ABI1: variants seen among roughly 807,000 people sequenced by gnomAD.
ABI1 encodes the protein abl interactor 1.
ABI1 carries 14 observed loss-of-function variants against 54.6 expected under a neutral mutation model. The ratio of observed to expected loss-of-function variants is 0.26; its 90% CI spans 0.17 to 0.40. The LOEUF is 0.40. Among genes scored for constraint, ABI1 ranks in the 10% least tolerant of loss-of-function variants. The pLI is 1.00. For synonymous variants in ABI1, 194 were observed against 209.3 expected (o/e 0.93, Z 0.63); for missense variants, 443 against 598.3 (o/e 0.74, Z 2.71).
intron 2 of ABI1, among the ~76,000 whole-genome samples, chr10:26,796,087 T>G (rs1844120828): frequency 6.6e-6 from 1 of 151,694 alleles, no homozygotes; most frequent in Non-Finnish European, 1.5e-5. Flanking sequence ...AGACCCAGTC[T>G]CAAAAAATAA....
intron 6 of ABI1, 88 bp downstream of exon 6, chr10:26,768,764 C>T: frequency 9.1e-7 from 1 of 1,100,744 alleles, no homozygotes; most frequent in Non-Finnish European, 1.3e-6. Flanking sequence ...AGTGGCACCT[C>T]ACCTTTACTC....
chr10:26,802,767 G>A (rs980491423), intron 2 of ABI1, among the ~76,000 whole-genome samples: 4 of 152,066 alleles, frequency 2.6e-5, no homozygotes, highest in Middle Eastern at 3.2e-3. Context: ...ACCTGTGTCC[G>A]GACACTGCCA....
chr10:26,845,877 T>A (rs1218918874), intron 1 of ABI1, among the ~76,000 whole-genome samples: 2 of 151,818 alleles, frequency 1.3e-5, no homozygotes, highest in Non-Finnish European at 2.9e-5. Flanking sequence ...GCACAGTGGC[T>A]CATGCCTGTA....
chr10:26,818,805 G>T (rs887901997), intron 2 of ABI1, among the ~76,000 whole-genome samples: 20 of 151,906 alleles, frequency 1.3e-4, no homozygotes, highest in Non-Finnish European at 2.9e-4. Flanking sequence ...ACCTGGCCAA[G>T]ATGGTGAAAC....
intron 2 of ABI1, among the ~76,000 whole-genome samples, chr10:26,820,349 A>C (rs115449191): frequency 4.4e-4 from 67 of 152,266 alleles, no homozygotes; most frequent in African/African-American, 1.5e-3. Flanking sequence ...CTGCGGGGGA[A>C]AGCTACTTAA....
At chr10:26,809,007 C>T (rs1038031523) in intron 2 of ABI1, among the ~76,000 whole-genome samples, 24 of 151,780 alleles carry the variant, frequency 1.6e-4, no homozygotes, top group Admixed American at 8.5e-4. Context: ...CGGTGGCTCA[C>T]GCCTGTAATC....
Position 26,758,376 on chromosome 10 carries a change from A to G in ABI1, c.997+686T>C, listed in dbSNP as rs192500399. On this transcript the variant is annotated intron_variant, in intron 8 of 10. Transcript: ENST00000376140. The stretch of plus-strand genomic sequence containing the variant: ...TTTCCTTTTTGCATTGAACATCTTA[A>G]TATGGAAAGTGATATTAATGACTAC... Among the ~76,000 whole-genome samples, 506 of 152,286 alleles carry G rather than the reference A, an allele frequency of 3.3e-3. 1 individual carries two copies. Among genetic ancestry groups the G allele is most frequent in the Non-Finnish European group, 5.2e-3 (353 of 68,022 alleles).
intron 8 of ABI1, among the ~76,000 whole-genome samples, chr10:26,757,050 A>G (rs1037100353): frequency 6.6e-6 from 1 of 152,152 alleles, no homozygotes; most frequent in African/African-American, 2.4e-5. Context: ...AAAAACTCTC[A>G]CAAACCTAAA....
At chr10:26,761,661 T>TAAAC (rs1375832167) in intron 7 of ABI1, among the ~76,000 whole-genome samples, 1 of 78,940 alleles carries the variant, frequency 1.3e-5, no homozygotes. Flanking sequence ...TATATATATA[T>TAAAC]ACACACACAC....
chr10:26,764,709 A>G (rs1379390155), intron 7 of ABI1, among the ~76,000 whole-genome samples: 2 of 152,230 alleles, frequency 1.3e-5, no homozygotes, highest in Admixed American at 6.5e-5. Flanking sequence ...TGTCCTGAAC[A>G]TGTGCAGACT....
intron 1 of ABI1, among the ~76,000 whole-genome samples, chr10:26,844,794 C>T (rs1299982582): frequency 1.3e-5 from 2 of 152,136 alleles, no homozygotes; most frequent in African/African-American, 4.8e-5. Context: ...CTCCTTTTCC[C>T]GCAGCCACCC....
Position 26,845,867 on chromosome 10 carries a change from GCA to G in ABI1, c.117+14878_117+14879del, listed in dbSNP as rs554507058. Among the ~76,000 whole-genome samples the G allele has an allele frequency of 5.3e-5, 8 of 152,170 alleles. No individual in the cohort carries two copies. In the East Asian group the frequency reaches 1.5e-3, roughly 29 times the overall value. ...TGAAGATTTTAGAAAAAATGGACAA[GCA>G]CAGTGGCTCATGCCTGTAATCCCAG... On this transcript the variant is annotated intron_variant, in intron 1 of 10. Coordinates refer to ENST00000376140, the MANE Select transcript of ABI1 (RefSeq NM_001012750.3).
chr10:26,788,103 C>T (rs1842928862), intron 2 of ABI1, among the ~76,000 whole-genome samples: 1 of 152,140 alleles, frequency 6.6e-6, no homozygotes, highest in African/African-American at 2.4e-5. Context: ...GTCGGTTTCC[C>T]TCATACTGTT....
chr10:26,778,186 G>A (rs1460290327), intron 2 of ABI1, among the ~76,000 whole-genome samples: 3 of 152,174 alleles, frequency 2.0e-5, no homozygotes, highest in African/African-American at 2.4e-5. Context: ...CTGTTTGGTA[G>A]AGCCTACCTA....
chr10:26,801,525 C>T (rs7094688), intron 2 of ABI1, among the ~76,000 whole-genome samples: 9,329 of 150,922 alleles, frequency 0.062, 430 homozygotes, highest in East Asian at 0.19. Flanking sequence ...CCAGCCTAGG[C>T]GATAGGACCA....
chr10:26,860,682 G>A lies in ABI1; in HGVS notation c.117+65C>T. 7.5e-7 allele frequency: 1 copy of A among 1,340,266 alleles called. No individual in the cohort carries two copies. The highest frequency in any genetic ancestry group is 1.1e-6 in the Non-Finnish European group (1 of 935,680). The allele number at this position is 1,340,266 out of a possible 1,614,324, so 83.0% of individuals were successfully genotyped here. A position where few individuals can be genotyped will look rare whatever the true frequency, so the allele number is the denominator to read the frequency against. ...TCAGGGCAGTTCCCCACCCCGCCCA[G>A]TGGGCTGGTCACTCCGGCGGGTCCT... On this transcript the variant is annotated intron_variant, in intron 1 of 10. Coordinates refer to ENST00000376140, the MANE Select transcript of ABI1 (RefSeq NM_001012750.3). This position sits in a 1 kb window ranked among gnomAD's most constrained non-coding sequence, Gnocchi z 4.1.
chr10:26,853,528 ACT>A (rs1491240298), intron 1 of ABI1, among the ~76,000 whole-genome samples: 3 of 138,284 alleles, frequency 2.2e-5, no homozygotes, highest in Middle Eastern at 7.8e-3. Context: ...ATTTTACCTT[ACT>A]TTTTTTTTTT....
At chr10:26,754,235 G>A (rs1837988859) in intron 9 of ABI1, among the ~76,000 whole-genome samples, 1 of 152,146 alleles carries the variant, frequency 6.6e-6, no homozygotes, top group South Asian at 2.1e-4. Flanking sequence ...CTGCAGCCTT[G>A]ACGTCCTGGA....
In ABI1 at chr10:26,856,357, C is replaced by A. The variant is rs976205821; in HGVS notation, c.117+4390G>T. ...GAGAAAATCTGGGTTTGATTCCAGG[C>A]CCCACCTCATACAAGCTACTGAACT... is the stretch of plus-strand genomic sequence containing the variant. On this transcript the variant is annotated intron_variant, in intron 1 of 10. Coordinates refer to ENST00000376140, the MANE Select transcript of ABI1 (RefSeq NM_001012750.3). 4.0e-5 allele frequency among the ~76,000 whole-genome samples: 6 copies of A among 149,866 alleles called. No individual in the cohort carries two copies. In the Admixed American group the frequency reaches 4.0e-4, roughly 10 times the overall value.
Sources: gnomAD v4.1 joint callset for allele counts (sites outside exome capture counted in the v4.1 genomes callset) on GRCh38, gnomAD v4.1.1 for gene constraint, Gnocchi (gnomAD v3.1) non-coding constraint, MANE v1.5 for transcripts, NCBI Gene and HGNC (gene_info 2026-07-23, HGNC 2026-07-21) for gene names.